DMXL1: variants seen among roughly 807,000 people sequenced by gnomAD.
DMXL1 encodes dmX-like protein 1.
Under a neutral mutation model 319.2 loss-of-function variants are expected in DMXL1, and 99 were observed. That is an observed-to-expected ratio of 0.31 (90% CI 0.26 to 0.37). The LOEUF is 0.37. DMXL1 is among the 10% of genes least tolerant of loss of function. DMXL1 has a pLI of 1.00. For synonymous variants in DMXL1, 1,385 were observed against 1,235.2 expected (o/e 1.12, Z -2.54); for missense variants, 3,745 against 3,595.6 (o/e 1.04, Z -1.06).
intron 26 of DMXL1, among the ~76,000 whole-genome samples, chr5:119,176,904 A>G (rs1432492132): frequency 6.6e-6 from 1 of 152,130 alleles, no homozygotes; most frequent in East Asian, 1.9e-4. Flanking sequence ...TTTTAAGAGT[A>G]GTATGATAAC....
intron 35 of DMXL1, among the ~76,000 whole-genome samples, chr5:119,217,963 G>C (rs546893540): frequency 1.3e-5 from 2 of 151,994 alleles, no homozygotes; most frequent in African/African-American, 4.8e-5. Flanking sequence ...TTCCAGATTT[G>C]CCTGCTTCAG....
intron 1 of DMXL1, among the ~76,000 whole-genome samples, chr5:119,073,523 G>A (rs549586906): frequency 6.6e-6 from 1 of 152,242 alleles, no homozygotes; most frequent in South Asian, 2.1e-4. Flanking sequence ...CAGTTAATGT[G>A]CCGAGGAGGA....
At chr5:119,121,869 C>CTGCAATCTCGGCACTTT (rs1176515263) in intron 9 of DMXL1, among the ~76,000 whole-genome samples, 11 of 150,106 alleles carry the variant, frequency 7.3e-5, no homozygotes, top group Non-Finnish European at 1.2e-4. Flanking sequence ...CGGGCAGAGG[C>CTGCAATCTCGGCACTTT]GCCCCTCACC....
chr5:119,097,288 T>C (rs1462517351), intron 1 of DMXL1, among the ~76,000 whole-genome samples: 2 of 152,176 alleles, frequency 1.3e-5, no homozygotes, highest in Admixed American at 1.3e-4. Context: ...AATAACTTGG[T>C]GCAGTAAACA....
chr5:119,213,137 TTTG>T (rs1191485263), intron 34 of DMXL1, among the ~76,000 whole-genome samples: 1 of 152,190 alleles, frequency 6.6e-6, no homozygotes, highest in Non-Finnish European at 1.5e-5. Flanking sequence ...CTGTAGCAAA[TTTG>T]TTTTTTCATT....
chr5:119,134,121 G>A lies in DMXL1; in HGVS notation c.2197G>A (p.Val733Ile). The A allele has an allele frequency of 6.2e-7, 1 of 1,613,990 alleles. No homozygotes were observed. Among genetic ancestry groups the A allele is most frequent in the Non-Finnish European group, 8.5e-7 (1 of 1,180,042 alleles). The change falls in exon 12 of 44, where the codon GTT becomes ATT. Residue 733 changes from valine (V) to isoleucine (I), a missense_variant. Val to Ile is a conservative substitution (Grantham distance 29). Coordinates refer to ENST00000539542, the MANE Select transcript of DMXL1 (RefSeq NM_001290321.3). ...SELARINSLH[V>I]SAFSNVAWLP... ...GCTTGCCCGGATTAATTCTCTTCAT[G>A]TTTCTGCCTTTTCCAATGTGGCATG... is the stretch of plus-strand genomic sequence containing the variant.
chr5:119,127,275 C>G (rs1763804672), intron 9 of DMXL1: 1 of 223,240 alleles, frequency 4.5e-6, no homozygotes, highest in African/African-American at 2.3e-5. Flanking sequence ...TACTGCCTTC[C>G]TCTGACTCTC....
rs1359076634 is a variant in DMXL1, at chr5:119,182,894, C to T, written c.7135+4650C>T. Reference sequence around the variant, plus strand: ...AGCAATTTTCAAAAAATTACTTTTTCTGCTAACAGTTAGAAATCCATACTT... The same window carrying T: ...AGCAATTTTCAAAAAATTACTTTTTTTGCTAACAGTTAGAAATCCATACTT... On this transcript the variant is annotated intron_variant, in intron 28 of 43. Transcript: ENST00000539542. Among the ~76,000 whole-genome samples the T allele has an allele frequency of 3.3e-5, 5 of 152,084 alleles. No individual in the cohort carries two copies. In the East Asian group the frequency reaches 5.8e-4, roughly 18 times the overall value.
At chr5:119,153,131 C>T (rs920328083) in intron 19 of DMXL1, among the ~76,000 whole-genome samples, 1 of 152,036 alleles carries the variant, frequency 6.6e-6, no homozygotes, top group African/African-American at 2.4e-5. Flanking sequence ...CGCACACCAC[C>T]ACGCCTGGCT....
intron 38 of DMXL1, 68 bp downstream of exon 38, chr5:119,224,837 A>T (rs933153644): frequency 1.4e-6 from 1 of 704,926 alleles, no homozygotes; most frequent in African/African-American, 1.8e-5. Flanking sequence ...ATTTTATTAT[A>T]AGAAATGTGT....
In DMXL1 at chr5:119,144,198, C is replaced by A. The variant is rs137966147; in HGVS notation, c.2466+268C>A. 3.3e-4 allele frequency among the ~76,000 whole-genome samples: 50 copies of A among 151,732 alleles called. 1 individual carries two copies. Among genetic ancestry groups the A allele is most frequent in the African/African-American group, 1.2e-3 (49 of 41,476 alleles). ...ACATATTAGAAATATTATCATATTA[C>A]CATTAGATTTAATAAAGTGGTGTTA... On this transcript the variant is annotated intron_variant, in intron 14 of 43. Coordinates refer to ENST00000539542, the MANE Select transcript of DMXL1 (RefSeq NM_001290321.3).
intron 34 of DMXL1, among the ~76,000 whole-genome samples, chr5:119,211,991 C>G (rs1019643456): frequency 6.6e-6 from 1 of 152,182 alleles, no homozygotes; most frequent in African/African-American, 2.4e-5. Context: ...CTTCTAAGGG[C>G]AGCTCTGTGG....
intron 38 of DMXL1, among the ~76,000 whole-genome samples, chr5:119,232,125 T>A (rs1396976257): frequency 6.6e-6 from 1 of 152,110 alleles, no homozygotes; most frequent in Non-Finnish European, 1.5e-5. Flanking sequence ...GTACTATAGG[T>A]GTGTGCCACC....
intron 23 of DMXL1, among the ~76,000 whole-genome samples, chr5:119,168,883 GTCTTGTCTTTTC>G (rs1773980694): frequency 6.6e-6 from 1 of 151,196 alleles, no homozygotes; most frequent in African/African-American, 2.4e-5. Context: ...CTTTCCTTTT[GTCTTGTCTTTTC>G]TCTTTTCTTT....
In DMXL1 at chr5:119,217,232, A is replaced by G. The variant is rs185859292; in HGVS notation, c.8013+245A>G. Among the ~76,000 whole-genome samples the G allele has an allele frequency of 1.6e-4, 24 of 152,312 alleles. No individual in the cohort carries two copies. The East Asian group carries it at 3.7e-3, about 23-fold the overall frequency. ...CTATGCAGAGAGAAGTACCAAATAT[A>G]TAGACAATCGCTTTAGAATTTATAC... On this transcript the variant is annotated intron_variant, in intron 35 of 43. Transcript: ENST00000539542.
chr5:119,201,351 T>G (rs1239103633), intron 32 of DMXL1, among the ~76,000 whole-genome samples: 2 of 152,228 alleles, frequency 1.3e-5, no homozygotes, highest in African/African-American at 4.8e-5. Context: ...TTAGTTCTGT[T>G]TATGTGATTC....
chr5:119,106,476 C>T (rs1283951568), intron 4 of DMXL1, among the ~76,000 whole-genome samples: 1 of 152,058 alleles, frequency 6.6e-6, no homozygotes, highest in Non-Finnish European at 1.5e-5. Flanking sequence ...GCATAAGATA[C>T]ATTATAATAA....
At chr5:119,082,335 G>A (rs1035310795) in intron 1 of DMXL1, among the ~76,000 whole-genome samples, 1 of 151,852 alleles carries the variant, frequency 6.6e-6, no homozygotes, top group South Asian at 2.1e-4. Context: ...GTGCAATAGT[G>A]TGAACTCAGC....
rs533123611 is a variant in DMXL1 at position 119,080,550 on chromosome 5, C to T, written c.87+8894C>T. 3.0e-3 allele frequency among the ~76,000 whole-genome samples: 451 copies of T among 152,208 alleles called. 5 individuals are homozygous for T. The highest frequency in any genetic ancestry group is 4.6e-3 in the Non-Finnish European group (314 of 68,014). The stretch of plus-strand genomic sequence containing the variant: ...CTAATCCTCCCACATTTTTCTTATA[C>T]AATCAATCAAGCCCTGTAGATTCTG... On this transcript the variant is annotated intron_variant, in intron 1 of 43. Transcript: ENST00000539542.
Sources: allele counts gnomAD v4.1 joint callset (sites outside exome capture counted in the v4.1 genomes callset), GRCh38; gene constraint gnomAD v4.1.1; transcripts MANE v1.5; gene names NCBI Gene and HGNC (gene_info 2026-07-23, HGNC 2026-07-21).